GPC5: variants seen among roughly 807,000 people sequenced by gnomAD.
GPC5 encodes glypican-5.
In GPC5, 47 loss-of-function variants were observed where a neutral mutation model predicts 53.9. The observed-to-expected ratio is 0.87, with a 90% confidence interval of 0.69 to 1.11. The LOEUF (loss-of-function observed/expected upper bound fraction) is 1.11, where lower values mean the gene tolerates loss of function less well. Ranked by LOEUF, GPC5 falls within the 50% of genes most tolerant of loss-of-function variation. The pLI, the probability that GPC5 is intolerant of heterozygous loss-of-function variation, is 0.00. For synonymous variants in GPC5, 286 were observed against 263.3 expected, an observed-to-expected ratio of 1.09 and a Z score of -0.84; for missense variants, 748 against 713.1, an observed-to-expected ratio of 1.05 and a Z score of -0.56.
intron 6 of GPC5, among the ~76,000 whole-genome samples, chr13:91,933,073 G>A (rs2039836581): frequency 6.6e-6 from 1 of 151,864 alleles, no homozygotes; most frequent in East Asian, 1.9e-4. Flanking sequence ...GATCTAGTTT[G>A]TTTAGAAGCA....
chr13:92,331,660 A>C (rs763421510), intron 7 of GPC5, among the ~76,000 whole-genome samples: 1 of 146,100 alleles, frequency 6.8e-6, no homozygotes, highest in Non-Finnish European at 1.5e-5. Context: ...TTTTCTCACA[A>C]ATGATTAATA....
intron 2 of GPC5, among the ~76,000 whole-genome samples, chr13:91,487,188 G>T (rs976102879): frequency 6.6e-6 from 1 of 152,090 alleles, no homozygotes; most frequent in African/African-American, 2.4e-5. Context: ...GGGTGGAGAT[G>T]GGGGGAAGTC....
At chr13:92,782,666 AAT>A (rs1318814538) in intron 7 of GPC5, among the ~76,000 whole-genome samples, 1 of 152,206 alleles carries the variant, frequency 6.6e-6, no homozygotes, top group African/African-American at 2.4e-5. Flanking sequence ...GGAGATAATC[AAT>A]ATTACATTAT....
intron 7 of GPC5, among the ~76,000 whole-genome samples, chr13:92,387,456 A>G (rs1874787341): frequency 6.6e-6 from 1 of 152,132 alleles, no homozygotes; most frequent in Non-Finnish European, 1.5e-5. Flanking sequence ...AATGTATTTA[A>G]TAAGGCTGTA....
rs551461268 is a variant in GPC5, at chr13:91,721,831, T to C, written c.1021-6701T>C. On this transcript the variant is annotated intron_variant, in intron 3 of 7. Coordinates refer to ENST00000377067, the MANE Select transcript of GPC5 (RefSeq NM_004466.6). ...AAGTAGAAAATAGTATTTAAACCAA[T>C]TGACCACCTGGCTGGAGCACCCCAC... is the stretch of plus-strand genomic sequence containing the variant. 6.6e-5 allele frequency among the ~76,000 whole-genome samples: 10 copies of C among 152,326 alleles called. No individual in the cohort carries two copies. The East Asian group carries it at 1.9e-3, about 29-fold the overall frequency.
At chr13:92,768,233 AGTTT>A (rs1875480105) in intron 7 of GPC5, among the ~76,000 whole-genome samples, 1 of 152,196 alleles carries the variant, frequency 6.6e-6, no homozygotes, top group Non-Finnish European at 1.5e-5. Context: ...ATGCATTGTA[AGTTT>A]TGTACTTTTT....
chr13:91,739,136 C>T (rs887727345), intron 4 of GPC5, among the ~76,000 whole-genome samples: 10 of 151,458 alleles, frequency 6.6e-5, no homozygotes, highest in East Asian at 1.9e-4. Flanking sequence ...TCTAAGCCAT[C>T]GTTAAGTTCA....
intron 7 of GPC5, among the ~76,000 whole-genome samples, chr13:92,811,877 T>G (rs770392793): frequency 1.3e-5 from 2 of 151,930 alleles, no homozygotes; most frequent in Non-Finnish European, 2.9e-5. Context: ...TTCCTTTGAA[T>G]GGACTAAGCA....
intron 2 of GPC5, among the ~76,000 whole-genome samples, chr13:91,610,112 A>G (rs1035236199): frequency 6.6e-6 from 1 of 152,214 alleles, no homozygotes; most frequent in African/African-American, 2.4e-5. Context: ...TGGTATACTC[A>G]TTAATGTTTT....
At chr13:91,866,822 G>T (rs2138922690) in intron 5 of GPC5, among the ~76,000 whole-genome samples, 1 of 152,208 alleles carries the variant, frequency 6.6e-6, no homozygotes, top group South Asian at 2.1e-4. Flanking sequence ...CTATAATAAT[G>T]AATTTTGCAT....
chr13:92,750,780 G>A (rs933795157), intron 7 of GPC5, among the ~76,000 whole-genome samples: 2 of 152,148 alleles, frequency 1.3e-5, no homozygotes, highest in African/African-American at 2.4e-5. Flanking sequence ...CAAAGGCTGC[G>A]TGGAGAGTCA....
chr13:92,264,876 C>CTG (rs1357258483), intron 7 of GPC5, among the ~76,000 whole-genome samples: 1,911 of 119,024 alleles, frequency 0.016, 12 homozygotes, highest in African/African-American at 0.026. Flanking sequence ...CTCTCTCTCT[C>CTG]TCTGTGTGTG....
intron 7 of GPC5, among the ~76,000 whole-genome samples, chr13:92,851,598 C>A (rs1255384773): frequency 6.6e-6 from 1 of 151,938 alleles, no homozygotes; most frequent in African/African-American, 2.4e-5. Context: ...TGGCCATAAG[C>A]CGGTCGGGCA....
chr13:91,784,440 T>C (rs1355866644), intron 5 of GPC5, among the ~76,000 whole-genome samples: 3 of 152,070 alleles, frequency 2.0e-5, no homozygotes, highest in Non-Finnish European at 4.4e-5. Context: ...ATTACCTATT[T>C]GAGGCCGGGC....
chr13:92,404,668 C>CT (rs1594173289), intron 7 of GPC5, among the ~76,000 whole-genome samples: 1 of 131,848 alleles, frequency 7.6e-6, no homozygotes, highest in East Asian at 2.0e-4. Context: ...CAGAAGGAAA[C>CT]TGAGGCCTAT....
At chr13:92,365,980 TATC>T (rs1266876962) in intron 7 of GPC5, among the ~76,000 whole-genome samples, 1 of 151,594 alleles carries the variant, frequency 6.6e-6, no homozygotes, top group South Asian at 2.1e-4. Flanking sequence ...CATAGTCACT[TATC>T]ATTATCAAGT....
At chr13:92,547,820 T>TTTC (rs965834173) in intron 7 of GPC5, among the ~76,000 whole-genome samples, 1 of 19,228 alleles carries the variant, frequency 5.2e-5, no homozygotes, top group African/African-American at 3.2e-4. Flanking sequence ...CCTATTATTC[T>TTTC]TTTTTTTTTT....
chr13:92,385,380 AC>A (rs1566567255), intron 7 of GPC5, among the ~76,000 whole-genome samples: 3 of 78,696 alleles, frequency 3.8e-5, no homozygotes, highest in African/African-American at 1.6e-4. Flanking sequence ...ATACATATAT[AC>A]ATATATATAC....
chr13:91,732,608 C>T (rs549723189), intron 4 of GPC5, among the ~76,000 whole-genome samples: 2 of 152,104 alleles, frequency 1.3e-5, no homozygotes, highest in East Asian at 3.9e-4. Flanking sequence ...ATGCCTATGT[C>T]CTGAATGGTA....
Sources: gnomAD v4.1 joint callset for allele counts (sites outside exome capture counted in the v4.1 genomes callset) on GRCh38, gnomAD v4.1.1 for gene constraint, MANE v1.5 for transcripts, NCBI Gene and HGNC (gene_info 2026-07-23, HGNC 2026-07-21) for gene names.